Variants in SPHKAP observed in about 807,000 individuals in gnomAD.
SPHKAP encodes SPHK1 interactor, AKAP domain containing.
A neutral mutation model predicts 137.5 loss-of-function variants in SPHKAP; 67 were observed. The observed-to-expected ratio is 0.49, with a 90% CI of 0.40 to 0.60. The LOEUF is 0.60. SPHKAP is among the 20% of genes least tolerant of loss of function. The pLI is 0.00. For synonymous variants in SPHKAP, 813 were observed against 785.3 expected (o/e 1.04, Z -0.59); for missense variants, 2,097 against 2,069.3 (o/e 1.01, Z -0.26).
At chr2:228,133,310 T>G (rs151252883) in intron 1 of SPHKAP, among the ~76,000 whole-genome samples, 16 of 13,640 alleles carry the variant, frequency 1.2e-3, no homozygotes, top group East Asian at 0.019. Flanking sequence ...CCATCTCAAA[T>G]AAATAAATAA....
At chr2:228,123,771 C>A (rs1698987670) in intron 2 of SPHKAP, among the ~76,000 whole-genome samples, 1 of 152,156 alleles carries the variant, frequency 6.6e-6, no homozygotes, top group African/African-American at 2.4e-5. Flanking sequence ...GCTTTTGTTG[C>A]CATTGCTTTT....
chr2:228,048,172 G>A (rs1696131864), intron 3 of SPHKAP, among the ~76,000 whole-genome samples: 1 of 152,094 alleles, frequency 6.6e-6, no homozygotes, highest in African/African-American at 2.4e-5. Flanking sequence ...TCATCAGTTC[G>A]CTGCCACGAA....
At chr2:228,001,305 A>C (rs1693857835) in intron 7 of SPHKAP, among the ~76,000 whole-genome samples, 1 of 144,928 alleles carries the variant, frequency 6.9e-6, no homozygotes, top group Non-Finnish European at 1.5e-5. Flanking sequence ...ATATAAATAT[A>C]TCTATACATA....
intron 1 of SPHKAP, among the ~76,000 whole-genome samples, chr2:228,136,311 G>A (rs1027952205): frequency 3.3e-4 from 50 of 152,172 alleles, no homozygotes; most frequent in Non-Finnish European, 4.4e-5. Flanking sequence ...CGTTAAGTGT[G>A]TTTCAATGAG....
At chr2:228,139,311 T>C (rs1381969153) in intron 1 of SPHKAP, among the ~76,000 whole-genome samples, 2 of 152,156 alleles carry the variant, frequency 1.3e-5, no homozygotes, top group East Asian at 3.9e-4. Context: ...ATCTATCAGA[T>C]ATACACAGTA....
chr2:228,163,351 A>G (rs12473436), intron 1 of SPHKAP, among the ~76,000 whole-genome samples: 20,769 of 152,142 alleles, frequency 0.14, 1,718 homozygotes, highest in East Asian at 0.32. Context: ...ATTTAATTAG[A>G]ATAAAGAAAT....
At chr2:228,149,225 T>C (rs1410142508) in intron 1 of SPHKAP, among the ~76,000 whole-genome samples, 2 of 152,234 alleles carry the variant, frequency 1.3e-5, no homozygotes, top group Non-Finnish European at 2.9e-5. Context: ...ACTAAGTCTC[T>C]ACACAATGCT....
chr2:228,030,408 G>A (rs1695242047), intron 3 of SPHKAP, among the ~76,000 whole-genome samples: 1 of 148,412 alleles, frequency 6.7e-6, no homozygotes, highest in South Asian at 2.2e-4. Flanking sequence ...CAGCTACTCA[G>A]GAGGCTGAGG....
intron 3 of SPHKAP, among the ~76,000 whole-genome samples, chr2:228,068,616 G>A (rs1043201203): frequency 6.6e-5 from 10 of 152,154 alleles, no homozygotes; most frequent in African/African-American, 2.4e-4. Flanking sequence ...TTAATAAATG[G>A]TGCTGAGAAA....
chr2:228,051,056 C>T (rs996326393), intron 3 of SPHKAP, among the ~76,000 whole-genome samples: 19 of 152,088 alleles, frequency 1.2e-4, no homozygotes, highest in Admixed American at 1.0e-3. Flanking sequence ...TCCTCCACCT[C>T]GGCCTCCCAA....
chr2:228,075,465 A>G (rs1697150825), intron 3 of SPHKAP, among the ~76,000 whole-genome samples: 1 of 151,906 alleles, frequency 6.6e-6, no homozygotes. Flanking sequence ...CTTTCTCAGC[A>G]TTGCAAACCA....
chr2:228,101,337 A>G (rs1194116571), intron 3 of SPHKAP, among the ~76,000 whole-genome samples: 1 of 152,210 alleles, frequency 6.6e-6, no homozygotes, highest in Non-Finnish European at 1.5e-5. Flanking sequence ...ACATACATGT[A>G]CAATTTTGTA....
Position 228,123,391 on chromosome 2 carries a change from A to G in SPHKAP, c.138+8589T>C, listed in dbSNP as rs563820055. On this transcript the variant is annotated intron_variant, in intron 2 of 11. Transcript: ENST00000392056. ...CTGCTAGGTCAGAAGAGAGTGTTTG[A>G]GACTTGAGAGTTGTTTATACTCCAG... Among the ~76,000 whole-genome samples, 14 of 152,310 alleles carry G rather than the reference A, an allele frequency of 9.2e-5. No homozygotes were observed. The South Asian group carries it at 1.0e-3, about 11-fold the overall frequency.
In SPHKAP at chr2:228,173,109, C is replaced by T. The variant is rs113962008; in HGVS notation, c.32+8458G>A. ...TGAATAATCTTTAGTTGTTTCAGCT[C>T]AGGCACACTGAATGACTCACGTATG... is the stretch of plus-strand genomic sequence containing the variant. On this transcript the variant is annotated intron_variant, in intron 1 of 11. Transcript: ENST00000392056. 1,354 of 982,526 alleles carry T rather than the reference C, an allele frequency of 1.4e-3. 3 individuals carry two copies. The highest frequency in any genetic ancestry group is 1.6e-3 in the Non-Finnish European group (1,317 of 827,340). The allele number at this position is 982,526 out of a possible 1,614,324, so 60.9% of individuals were successfully genotyped here. A position where few individuals can be genotyped will look rare whatever the true frequency, so the allele number is the denominator to read the frequency against.
At chr2:228,027,341 G>A (rs1019189744) in intron 4 of SPHKAP, 143 bp downstream of exon 4, 2 of 826,728 alleles carry the variant, frequency 2.4e-6, no homozygotes, top group African/African-American at 1.7e-5. Context: ...GAGGGTAAGT[G>A]CTAGGGAAAG....
chr2:228,144,541 C>A (rs574780015), intron 1 of SPHKAP, among the ~76,000 whole-genome samples: 67 of 151,892 alleles, frequency 4.4e-4, no homozygotes, highest in African/African-American at 1.5e-3. Flanking sequence ...TTTTTTCTTG[C>A]CCCTTTCTAT....
At chr2:228,003,134 T>C (rs185715434) in intron 7 of SPHKAP, among the ~76,000 whole-genome samples, 1,946 of 152,346 alleles carry the variant, frequency 0.013, 11 homozygotes, top group Non-Finnish European at 0.02. Context: ...GGGGATGGCA[T>C]TGAATCTATA....
chr2:228,088,222 T>C (rs1236193972), intron 3 of SPHKAP, among the ~76,000 whole-genome samples: 1 of 152,162 alleles, frequency 6.6e-6, no homozygotes, highest in Non-Finnish European at 1.5e-5. Flanking sequence ...TTAATAGGCA[T>C]AAAATTATAA....
intron 1 of SPHKAP, among the ~76,000 whole-genome samples, chr2:228,161,702 T>C (rs113104557): frequency 7.3e-5 from 11 of 151,146 alleles, no homozygotes; most frequent in African/African-American, 2.4e-4. Context: ...GAACTAAAAA[T>C]AGAACAAAAT....
Sources: allele counts gnomAD v4.1 joint callset (sites outside exome capture counted in the v4.1 genomes callset), GRCh38; gene constraint gnomAD v4.1.1; transcripts MANE v1.5; gene names NCBI Gene and HGNC (gene_info 2026-07-23, HGNC 2026-07-21).